Variants in RELN observed in about 807,000 individuals in gnomAD.
The protein encoded by RELN is reelin.
Under a neutral mutation model 427.6 loss-of-function variants are expected in RELN, and 108 were observed. The ratio of observed to expected loss-of-function variants is 0.25; its 90% confidence interval spans 0.22 to 0.30. RELN has a LOEUF of 0.30. Among genes scored for constraint, RELN ranks in the 10% least tolerant of loss-of-function variants. The pLI is 1.00. For synonymous variants in RELN, 1,524 were observed against 1,513.4 expected, an observed-to-expected ratio of 1.01 and a Z score of -0.16; for missense variants, 3,715 against 4,302.8, an observed-to-expected ratio of 0.86 and a Z score of 3.82.
In RELN at chr7:103,669,369, C is replaced by T. The variant is rs892331967; in HGVS notation, c.1290-7842G>A. Among the ~76,000 whole-genome samples the T allele has an allele frequency of 5.7e-4, 87 of 152,254 alleles. 1 individual carries two copies. Among genetic ancestry groups the T allele is most frequent in the African/African-American group, 2.1e-3 (87 of 41,570 alleles). On this transcript the variant is annotated intron_variant, in intron 11 of 64. Coordinates refer to ENST00000428762, the MANE Select transcript of RELN (RefSeq NM_005045.4). ...GCATTTATTAAAAATTCAGGAGGAGCCTGTTATAGCACAAGCTCATTCTTT... is the reference window on the plus strand; with the variant it reads ...GCATTTATTAAAAATTCAGGAGGAGTCTGTTATAGCACAAGCTCATTCTTT...
intron 8 of RELN, among the ~76,000 whole-genome samples, chr7:103,712,060 C>T (rs1230344764): frequency 6.6e-6 from 1 of 152,156 alleles, no homozygotes; most frequent in Non-Finnish European, 1.5e-5. Flanking sequence ...CAGAAACTTC[C>T]AAGGCTTGCT....
At chr7:103,827,763 G>A (rs1793178520) in intron 3 of RELN, among the ~76,000 whole-genome samples, 1 of 151,830 alleles carries the variant, frequency 6.6e-6, no homozygotes. Context: ...CACTGACATT[G>A]TCTCAAGTTG....
At chr7:103,861,107 G>A (rs934720876) in intron 2 of RELN, among the ~76,000 whole-genome samples, 2 of 151,968 alleles carry the variant, frequency 1.3e-5, no homozygotes, top group African/African-American at 4.8e-5. Context: ...AAGTGAGGAG[G>A]GACTTTTAAA....
chr7:103,973,622 CAAAAGA>C (rs1215661560), intron 1 of RELN, among the ~76,000 whole-genome samples: 3 of 151,562 alleles, frequency 2.0e-5, no homozygotes, highest in African/African-American at 2.4e-5. Context: ...ACACTGAAAA[CAAAAGA>C]AAAACACCTG....
In RELN at chr7:103,613,512, TAGTA is replaced by T. The variant is rs559764507; in HGVS notation, c.2703-1713_2703-1710del. Among the ~76,000 whole-genome samples, 21 of 152,016 alleles carry T rather than the reference TAGTA, an allele frequency of 1.4e-4. 1 individual carries two copies. The South Asian group carries it at 4.4e-3, about 31-fold the overall frequency. On this transcript the variant is annotated intron_variant, in intron 20 of 64. Transcript: ENST00000428762. ...AGAAATCAACACAGAATAAAAATCA[TAGTA>T]AGCCATAGAGGCACACACTTGTCTA... is the stretch of plus-strand genomic sequence containing the variant.
At chr7:103,578,215 G>C (rs1562902119) in intron 28 of RELN, among the ~76,000 whole-genome samples, 1 of 152,110 alleles carries the variant, frequency 6.6e-6, no homozygotes, top group Admixed American at 6.6e-5. Context: ...AGGTATCCTT[G>C]TTTGCAGTTA....
At chr7:103,766,189 G>T (rs1296099459) in intron 4 of RELN, among the ~76,000 whole-genome samples, 1 of 152,136 alleles carries the variant, frequency 6.6e-6, no homozygotes, top group Admixed American at 6.5e-5. Flanking sequence ...AGTTGTCTTT[G>T]TTTATAAAAA....
Position 103,640,504 on chromosome 7 carries a change from CA to C in RELN, c.2069+38del, listed in dbSNP as rs775237980. 1.9e-6 allele frequency: 3 copies of C among 1,601,168 alleles called. No homozygotes were observed. The highest frequency in any genetic ancestry group is 1.7e-5 in the Admixed American group (1 of 59,968). ...CGACTTCAACACATACATTACACAT[CA>C]AAAAGGAGAAGCATAAGTGTTATTT... On this transcript the variant is annotated intron_variant, in intron 17 of 64. Coordinates refer to ENST00000428762, the MANE Select transcript of RELN (RefSeq NM_005045.4). The surrounding 1 kb of genome is among the most constrained non-coding windows in gnomAD (Gnocchi z 4.1).
Position 103,489,731 on chromosome 7 carries a change from G to C in RELN, c.9763+11C>G. The C allele has an allele frequency of 6.2e-7, 1 of 1,613,800 alleles. No homozygotes were observed. Among genetic ancestry groups the C allele is most frequent in the Non-Finnish European group, 8.5e-7 (1 of 1,179,910 alleles). ...TCTCCTCTATCAAAGTTGGCAGCCT[G>C]GGATTCAGACCTTGGAAGCTCTCGT... On this transcript the variant is annotated intron_variant, in intron 60 of 64. Transcript: ENST00000428762.
chr7:103,803,760 C>G (rs953837288), intron 3 of RELN, among the ~76,000 whole-genome samples: 2 of 152,054 alleles, frequency 1.3e-5, no homozygotes, highest in African/African-American at 4.8e-5. Context: ...ACAACCTTGA[C>G]TACCACATTT....
chr7:103,561,981 C>T, intron 34 of RELN, 28 bp from the exon 35 acceptor site: 1 of 1,484,710 alleles, frequency 6.7e-7, no homozygotes, highest in Non-Finnish European at 9.3e-7. Flanking sequence ...AAAAAAAACA[C>T]ACCACTGGTT....
rs140092804 is a variant in RELN, at chr7:103,633,474, A to AATAT, written c.2465+1947_2465+1950dup. Among the ~76,000 whole-genome samples, 301 of 148,964 alleles carry AATAT rather than the reference A, an allele frequency of 2.0e-3. 2 individuals are homozygous for AATAT. Among genetic ancestry groups the AATAT allele is most frequent in the African/African-American group, 6.7e-3 (272 of 40,760 alleles). ...AGGAAGAATCTCATGGACAGAGATA[A>AATAT]ATATATATATATATATAGAAAATTA... On this transcript the variant is annotated intron_variant, in intron 19 of 64. Coordinates refer to ENST00000428762, the MANE Select transcript of RELN (RefSeq NM_005045.4).
Position 103,717,873 on chromosome 7 carries a change from T to C in RELN, c.805+5267A>G, listed in dbSNP as rs139638858. Among the ~76,000 whole-genome samples the C allele has an allele frequency of 1.5e-3, 236 of 152,286 alleles. 1 individual carries two copies. The highest frequency in any genetic ancestry group is 5.4e-3 in the African/African-American group (225 of 41,564). On this transcript the variant is annotated intron_variant, in intron 8 of 64. Transcript: ENST00000428762. ...TCATACCAAGATATGGAGGAATCGA[T>C]TTCTCCTCCTCTTGAACTACCTGTT...
At position 103,629,960 on chromosome 7, in the gene RELN, A is replaced by G. The variant is rs952067446; in HGVS notation, c.2682T>C (p.Cys894=). 1 of 1,611,062 alleles carries G rather than the reference A, an allele frequency of 6.2e-7. No individual in the cohort carries two copies. The highest frequency in any genetic ancestry group is 1.3e-5 in the African/African-American group (1 of 74,974). Residue 894 remains cysteine, a synonymous_variant, in exon 20 of 65, where the codon TGT becomes TGC. Transcript: ENST00000428762. ...GFYLGNVQPY[C]GHDWTLCFTG... is the part of the protein sequence containing the mutation. ...CTTACCAAAGGGTCCAGTCGTGGCC[A>G]CAGTATGGCTGAACATTTCCAAGGT...
chr7:103,498,323 C>T lies in RELN; in HGVS notation c.8668-71G>A, dbSNP rs1003900102. ...TAACTATGGAATATTTAAGAAAATA[C>T]AGAGTGATGTCTTGGACTTAAAAAA... On this transcript the variant is annotated intron_variant, in intron 53 of 64. Transcript: ENST00000428762. 1.0e-5 allele frequency: 14 copies of T among 1,372,324 alleles called. No individual in the cohort carries two copies. The South Asian group carries it at 1.6e-4, about 16-fold the overall frequency. The allele number at this position is 1,372,324 out of a possible 1,614,324, so 85.0% of individuals were successfully genotyped here. A position where few individuals can be genotyped will look rare whatever the true frequency, so the allele number is the denominator to read the frequency against.
intron 1 of RELN, among the ~76,000 whole-genome samples, chr7:103,925,249 T>G (rs1044092931): frequency 9.9e-5 from 15 of 152,152 alleles, no homozygotes; most frequent in African/African-American, 3.4e-4. Flanking sequence ...AATTAAAATA[T>G]AATTTTACAA....
intron 2 of RELN, among the ~76,000 whole-genome samples, chr7:103,882,818 C>A (rs2116565875): frequency 6.6e-6 from 1 of 152,210 alleles, no homozygotes; most frequent in East Asian, 1.9e-4. Context: ...CAAAAAAAGC[C>A]CAGGAGCAGA....
intron 2 of RELN, among the ~76,000 whole-genome samples, chr7:103,891,903 G>A (rs571421595): frequency 2.0e-5 from 3 of 151,798 alleles, no homozygotes; most frequent in South Asian, 2.1e-4. Flanking sequence ...TTCTAGACAC[G>A]CTTTCTTCAA....
chr7:103,526,910 G>A (rs929062713), intron 46 of RELN, among the ~76,000 whole-genome samples: 3 of 152,012 alleles, frequency 2.0e-5, no homozygotes, highest in Admixed American at 6.6e-5. Flanking sequence ...GGGGAAAAAT[G>A]GTCCCAGAGA....
Sources: allele counts gnomAD v4.1 joint callset (sites outside exome capture counted in the v4.1 genomes callset), GRCh38; gene constraint gnomAD v4.1.1; non-coding constraint Gnocchi (gnomAD v3.1); transcripts MANE v1.5; gene names NCBI Gene and HGNC (gene_info 2026-07-23, HGNC 2026-07-21).